The following SLC22A25 variants were observed in gnomAD, a reference collection of about 807,000 sequenced individuals.
SLC22A25 encodes the protein solute carrier family 22 member 25.
Under a neutral mutation model 45.9 loss-of-function variants are expected in SLC22A25, and 44 were observed. The ratio of observed to expected loss-of-function variants is 0.96; its 90% CI spans 0.75 to 1.23. The LOEUF is 1.23. SLC22A25 is among the 50% of genes most tolerant of loss of function. The pLI is 0.00. For missense variants in SLC22A25, 800 were observed against 666.4 expected (o/e 1.20, Z -2.21); for synonymous variants, 283 against 238.6 (o/e 1.19, Z -1.72).
At chr11:63,180,874 C>A in intron 8 of SLC22A25, 99 bp from the exon 9 acceptor site, 3 of 755,236 alleles carry the variant, frequency 4.0e-6, no homozygotes, top group South Asian at 3.7e-5. Context: ...TAGATGACAT[C>A]CCTTTCTGTC....
rs1315736532 is a variant in SLC22A25 at position 63,162,866 on chromosome 11, T to C, written c.*958A>G. Among the ~76,000 whole-genome samples the C allele has an allele frequency of 6.6e-6, 1 of 152,214 alleles. No homozygotes were observed. Among genetic ancestry groups the C allele is most frequent in the Non-Finnish European group, 1.5e-5 (1 of 68,038 alleles). On this transcript the variant is annotated 3_prime_UTR_variant, in exon 12 of 12. Transcript: ENST00000306494. ...CTAGAAATGGTCTCGATTTTTCCTT[T>C]ATCTTGCTGTTTAATCAGCAATCAG... is the stretch of plus-strand genomic sequence containing the variant.
At chr11:63,184,891 T>C (rs1007044410) in intron 7 of SLC22A25, among the ~76,000 whole-genome samples, 8 of 152,176 alleles carry the variant, frequency 5.3e-5, no homozygotes, top group Admixed American at 2.6e-4. Flanking sequence ...TATGGGTTAT[T>C]GGTTTAGCAA....
At chr11:63,201,392 A>C (rs1283872341) in intron 7 of SLC22A25, among the ~76,000 whole-genome samples, 3 of 152,212 alleles carry the variant, frequency 2.0e-5, no homozygotes, top group African/African-American at 7.2e-5. Context: ...AACTGACAAA[A>C]ACAAGCAATG....
Position 63,177,885 on chromosome 11 carries a change from T to C in SLC22A25, c.1070+2775A>G, listed in dbSNP as rs918956583. Among the ~76,000 whole-genome samples the C allele has an allele frequency of 6.4e-5, 9 of 140,110 alleles. 1 individual carries two copies. In the South Asian group the frequency reaches 1.3e-3, roughly 20 times the overall value. 91.9% of individuals were successfully genotyped at this position (140,110 alleles called of 152,430 possible). A position where few individuals can be genotyped will look rare whatever the true frequency, so the allele number is the denominator to read the frequency against. On this transcript the variant is annotated intron_variant, in intron 9 of 11. Transcript: ENST00000306494. ...ATATAATATATATAATGTATATATA[T>C]AATATATATATATAATGTATATCCC...
chr11:63,170,705 A>G (rs2087847959), intron 9 of SLC22A25, among the ~76,000 whole-genome samples: 1 of 152,154 alleles, frequency 6.6e-6, no homozygotes, highest in African/African-American at 2.4e-5. Context: ...CCAGGACCAG[A>G]TGGATTCACA....
At chr11:63,231,614 G>A (rs937949005) in intron 3 of SLC22A25, among the ~76,000 whole-genome samples, 4 of 152,076 alleles carry the variant, frequency 2.6e-5, no homozygotes, top group African/African-American at 9.7e-5. Context: ...TCACTCTGAT[G>A]GTAGTTTCTT....
In SLC22A25 at chr11:63,160,080, G is replaced by T. The variant is rs1263845577; in HGVS notation, c.*3744C>A. Reference sequence around the variant, plus strand: ...AGCAAAAAAGTTTGAAAAATTTGCAGCCTGGTGATGTGATAGAAAATAAAA... The same window carrying T: ...AGCAAAAAAGTTTGAAAAATTTGCATCCTGGTGATGTGATAGAAAATAAAA... On this transcript the variant is annotated 3_prime_UTR_variant, in exon 12 of 12. Transcript: ENST00000306494. Among the ~76,000 whole-genome samples the T allele has an allele frequency of 2.6e-5, 4 of 152,176 alleles. No individual in the cohort carries two copies. The highest frequency in any genetic ancestry group is 4.8e-5 in the African/African-American group (2 of 41,430).
intron 7 of SLC22A25, among the ~76,000 whole-genome samples, chr11:63,197,757 C>G (rs1367372218): frequency 2.6e-5 from 4 of 151,656 alleles, no homozygotes; most frequent in African/African-American, 9.8e-5. Context: ...TTCTGCACAG[C>G]AAAAGATGCT....
At chr11:63,191,847 A>G (rs575649763) in intron 7 of SLC22A25, among the ~76,000 whole-genome samples, 32 of 152,344 alleles carry the variant, frequency 2.1e-4, no homozygotes, top group African/African-American at 7.7e-4. Context: ...TCTACAACTG[A>G]CTGATGTACC....
In SLC22A25 at chr11:63,227,382, C is replaced by A. The variant is rs558061536; in HGVS notation, c.506+1079G>T. On this transcript the variant is annotated intron_variant, in intron 5 of 11. Coordinates refer to ENST00000306494, the MANE Select transcript of SLC22A25 (RefSeq NM_199352.6). ...GGTACTATTTCCTGCCAGGACTGGG[C>A]CCTTCTCTTTAAGGCAGCAGATTCC... Among the ~76,000 whole-genome samples, 40 of 152,204 alleles carry A rather than the reference C, an allele frequency of 2.6e-4. 1 individual carries two copies. In the South Asian group the frequency reaches 6.4e-3, roughly 24 times the overall value.
intron 5 of SLC22A25, among the ~76,000 whole-genome samples, chr11:63,220,363 C>G (rs1452607499): frequency 6.6e-6 from 1 of 152,196 alleles, no homozygotes; most frequent in East Asian, 1.9e-4. Context: ...AGGCTGAATT[C>G]CATGTCGTGA....
intron 4 of SLC22A25, among the ~76,000 whole-genome samples, chr11:63,228,780 T>G (rs183493869): frequency 2.6e-4 from 40 of 152,346 alleles, no homozygotes. Flanking sequence ...CCAGTTTTAT[T>G]CCATACTAAA....
At chr11:63,197,316 G>T (rs2089076592) in intron 7 of SLC22A25, among the ~76,000 whole-genome samples, 1 of 152,082 alleles carries the variant, frequency 6.6e-6, no homozygotes, top group South Asian at 2.1e-4. Context: ...TAAGCCAAAA[G>T]AACAAAGCTG....
At chr11:63,177,601 T>C (rs540871447) in intron 9 of SLC22A25, among the ~76,000 whole-genome samples, 1 of 151,820 alleles carries the variant, frequency 6.6e-6, no homozygotes, top group Admixed American at 6.6e-5. Context: ...ATTTCACTTA[T>C]TACCACCAGG....
At chr11:63,186,358 G>T (rs1429876532) in intron 7 of SLC22A25, among the ~76,000 whole-genome samples, 2 of 151,428 alleles carry the variant, frequency 1.3e-5, no homozygotes, top group African/African-American at 4.9e-5. Context: ...AGAAGTGTCT[G>T]TTCATATCCT....
intron 1 of SLC22A25, among the ~76,000 whole-genome samples, chr11:63,240,047 A>G (rs2090223196): frequency 6.6e-6 from 1 of 152,192 alleles, no homozygotes; most frequent in African/African-American, 2.4e-5. Flanking sequence ...AGTCTAATGC[A>G]CACCTAGGCT....
chr11:63,223,463 T>A (rs1404261103), intron 5 of SLC22A25, among the ~76,000 whole-genome samples: 2 of 152,094 alleles, frequency 1.3e-5, no homozygotes. Context: ...TGGTATCAGT[T>A]GTAATGTCTC....
At position 63,164,556 on chromosome 11, in the gene SLC22A25, T is replaced by C. The variant is rs756049136; in HGVS notation, c.1364A>G (p.Gln455Arg). 1 of 1,613,844 alleles carries C rather than the reference T, an allele frequency of 6.2e-7. No homozygotes were observed. The highest frequency in any genetic ancestry group is 1.1e-5 in the South Asian group (1 of 91,074). Residue 455 changes from glutamine to arginine, a missense_variant, in exon 11 of 12, where the codon CAA becomes CGA. Gln to Arg is a conservative substitution (Grantham distance 43, BLOSUM62 1). Coordinates refer to ENST00000306494, the MANE Select transcript of SLC22A25 (RefSeq NM_199352.6). ...TATGGAAGGAATTAGTTCATTTTCT[T>C]GGGCAGTAGAACAGGTAATGCCAAG... ...ASLGITCSTA[Q>R]ENELIPSIIR... is the part of the protein sequence containing the mutation.
At chr11:63,164,768 G>A in intron 10 of SLC22A25, 134 bp from the exon 11 acceptor site, 1 of 667,920 alleles carries the variant, frequency 1.5e-6, no homozygotes, top group Non-Finnish European at 2.6e-6. Flanking sequence ...CTGCATAGAG[G>A]CAAAGAATGT....
Sources: allele counts gnomAD v4.1 joint callset (sites outside exome capture counted in the v4.1 genomes callset), GRCh38; gene constraint gnomAD v4.1.1; transcripts MANE v1.5; gene names NCBI Gene and HGNC (gene_info 2026-07-23, HGNC 2026-07-21).